The following SMARCAD1 variants were observed in gnomAD, a reference collection of about 807,000 sequenced individuals.
SMARCAD1 encodes SWI/SNF-related matrix-associated actin-dependent regulator of chromatin subfamily A containing DEAD/H box 1.
A neutral mutation model predicts 127.1 loss-of-function variants in SMARCAD1; 25 were observed. The observed-to-expected ratio is 0.20, with a 90% CI of 0.14 to 0.27. The LOEUF is 0.27. Among genes scored for constraint, SMARCAD1 ranks in the 10% least tolerant of loss-of-function variants. The probability of loss-of-function intolerance (pLI) is 1.00; values close to 1 mark genes in which losing one functional copy is unlikely to be tolerated. For missense variants in SMARCAD1, 807 were observed against 1,206.0 expected, an observed-to-expected ratio of 0.67 and a Z score of 4.90; for synonymous variants, 400 against 396.9, an observed-to-expected ratio of 1.01 and a Z score of -0.09.
chr4:94,249,845 G>C (rs1749012576), intron 7 of SMARCAD1, 90 bp downstream of exon 7: 1 of 778,416 alleles, frequency 1.3e-6, no homozygotes, highest in African/African-American at 1.7e-5. Context: ...TAAAAGCTTA[G>C]GGTGAGTTTT....
chr4:94,282,363 T>G (rs1754226451), intron 21 of SMARCAD1, among the ~76,000 whole-genome samples: 2 of 151,784 alleles, frequency 1.3e-5, no homozygotes, highest in South Asian at 4.2e-4. Context: ...CCCAAAGTGC[T>G]GGGATTACAG....
At chr4:94,218,222 T>G (rs1446765582) in intron 2 of SMARCAD1, among the ~76,000 whole-genome samples, 4 of 152,216 alleles carry the variant, frequency 2.6e-5, no homozygotes, top group African/African-American at 9.7e-5. Flanking sequence ...TTAACGCTTT[T>G]GCCTTGTTCA....
rs1741628925 is a variant in SMARCAD1 at position 94,208,511 on chromosome 4, T to A, written c.117T>A (p.Ser39Arg). ...GCCCTTCTTCACCAATTTCTCTTAG[T>A]GCTGAAGAGGAGAATGCTGAAGGGG... Reference protein sequence around the residue: ...QPGPSSPISLSAEEENAEGEV... With the variant: ...QPGPSSPISLRAEEENAEGEV... Residue 39 changes from serine (S) to arginine (R), a missense_variant, in exon 2 of 24, where the codon AGT becomes AGA. Coordinates refer to ENST00000354268, the MANE Select transcript of SMARCAD1 (RefSeq NM_020159.5). 6.2e-7 allele frequency: 1 copy of A among 1,613,976 alleles called. No individual in the cohort carries two copies. Among genetic ancestry groups the A allele is most frequent in the African/African-American group, 1.3e-5 (1 of 74,912 alleles).
rs780386305 is a variant in SMARCAD1, at chr4:94,281,498, A to G, written c.2634A>G (p.Gln878=). ...GTGATAGAGTTGTGTTATTTAGCCA[A>G]TTTACCATGATGCTGGATATCTTAG... ...QKGDRVVLFS[Q]FTMMLDILEV... The change falls in exon 21 of 24, where the codon CAA becomes CAG. Residue 878 remains glutamine, a synonymous_variant. Coordinates refer to ENST00000354268, the MANE Select transcript of SMARCAD1 (RefSeq NM_020159.5). 3 of 1,612,924 alleles carry G rather than the reference A, an allele frequency of 1.9e-6. No individual in the cohort carries two copies. The highest frequency in any genetic ancestry group is 8.5e-7 in the Non-Finnish European group (1 of 1,179,092).
At chr4:94,282,312 G>A (rs1031586749) in intron 21 of SMARCAD1, among the ~76,000 whole-genome samples, 6 of 150,082 alleles carry the variant, frequency 4.0e-5, no homozygotes, top group Non-Finnish European at 8.9e-5. Flanking sequence ...TAGCCAGGAT[G>A]GTCTCGATCT....
In SMARCAD1 at chr4:94,252,779, A is replaced by C. The variant is rs1448103339; in HGVS notation, c.1053A>C (p.Pro351=). 3.1e-6 allele frequency: 5 copies of C among 1,613,386 alleles called. No individual in the cohort carries two copies. The Admixed American group carries it at 8.3e-5, about 27-fold the overall frequency. Residue 351 remains proline, a synonymous_variant, in exon 9 of 24, where the codon CCA becomes CCC. Transcript: ENST00000354268. ...AACGTAAAAAAAATGTTTTTAATCC[A>C]AAGAGAGTTGTTGAAGACTCTGAAT... The part of the protein sequence containing the change: ...NKKRKKNVFN[P]KRVVEDSEYD...
intron 3 of SMARCAD1, among the ~76,000 whole-genome samples, chr4:94,229,770 A>G (rs2125845903): frequency 6.7e-6 from 1 of 150,234 alleles, no homozygotes; most frequent in Middle Eastern, 3.4e-3. Flanking sequence ...AGTTAGGGAG[A>G]GAGAGAAGGA....
intron 5 of SMARCAD1, among the ~76,000 whole-genome samples, chr4:94,237,401 G>A (rs1269387130): frequency 6.6e-6 from 1 of 151,366 alleles, no homozygotes; most frequent in Non-Finnish European, 1.5e-5. Context: ...CAGGGGCTTG[G>A]GATACAAAAA....
chr4:94,227,061 C>T (rs1339413787), intron 3 of SMARCAD1, among the ~76,000 whole-genome samples: 1 of 151,922 alleles, frequency 6.6e-6, no homozygotes, highest in Non-Finnish European at 1.5e-5. Flanking sequence ...ATTGAGAAGA[C>T]AGTGCTTAAT....
Position 94,283,151 on chromosome 4 carries a change from T to C in SMARCAD1, c.2757T>C (p.Asp919=), listed in dbSNP as rs750261494. ...RIHLIDEFNT[D]MDIFVFLLST... ...ATCTAATTGATGAGTTTAATACCGA[T>C]ATGGATATCTTTGTGTTTCTGCTAT... The change falls in exon 22 of 24, where the codon GAT becomes GAC. Residue 919 remains aspartate, a synonymous_variant. Transcript: ENST00000354268. 31 of 1,613,674 alleles carry C rather than the reference T, an allele frequency of 1.9e-5. No individual in the cohort carries two copies. Among genetic ancestry groups the C allele is most frequent in the Non-Finnish European group, 2.5e-5 (29 of 1,179,888 alleles).
intron 3 of SMARCAD1, 75 bp downstream of exon 3, chr4:94,226,371 A>G (rs1744991007): frequency 3.4e-6 from 4 of 1,186,212 alleles, no homozygotes; most frequent in East Asian, 2.7e-5. Flanking sequence ...CTAATTTGAG[A>G]TATTTTGGTG....
chr4:94,261,905 C>T (rs952012963), intron 9 of SMARCAD1, among the ~76,000 whole-genome samples: 9 of 152,304 alleles, frequency 5.9e-5, no homozygotes, highest in African/African-American at 9.6e-5. Flanking sequence ...CCACCACAAC[C>T]GGCCAGTTTA....
intron 7 of SMARCAD1, 107 bp downstream of exon 7, chr4:94,249,862 T>C (rs1184760036): frequency 5.7e-6 from 4 of 702,340 alleles, no homozygotes; most frequent in South Asian, 1.6e-5. Flanking sequence ...TTTTGTATTC[T>C]TCTAATTAAA....
chr4:94,275,841 G>A (rs376015184), intron 14 of SMARCAD1, among the ~76,000 whole-genome samples: 9 of 131,384 alleles, frequency 6.9e-5, no homozygotes, highest in Admixed American at 8.9e-5. Flanking sequence ...CTGTCCCCCA[G>A]GCTAGAGTGC....
chr4:94,281,555 C>T lies in SMARCAD1; in HGVS notation c.2691C>T (p.Tyr897=), dbSNP rs1361473843. ...EVLLKHHQHR[Y]LRLDGKTQIS... is the part of the protein sequence containing the mutation. ...TATTAAAACATCATCAGCATAGGTA[C>T]CTCAGATTAGATGGAAAGACTCAGA... Residue 897 remains tyrosine (Y), a synonymous_variant, in exon 21 of 24, where the codon TAC becomes TAT. Transcript: ENST00000354268. 5.6e-6 allele frequency: 9 copies of T among 1,612,192 alleles called. No homozygotes were observed. The highest frequency in any genetic ancestry group is 2.2e-5 in the East Asian group (1 of 44,764).
chr4:94,237,498 T>TAAA (rs34166467), intron 5 of SMARCAD1, among the ~76,000 whole-genome samples: 3 of 141,684 alleles, frequency 2.1e-5, no homozygotes, highest in African/African-American at 2.6e-5. Context: ...TTACACATAC[T>TAAA]AAAAAAAAAA....
chr4:94,243,318 A>G (rs772147125), intron 6 of SMARCAD1, among the ~76,000 whole-genome samples: 5 of 152,210 alleles, frequency 3.3e-5, no homozygotes, highest in African/African-American at 2.4e-5. Flanking sequence ...AGCAGGTACC[A>G]TGAGAGTCTG....
intron 2 of SMARCAD1, among the ~76,000 whole-genome samples, chr4:94,223,734 A>ATTTTTTTTTT (rs944591007): frequency 4.0e-5 from 4 of 100,156 alleles, no homozygotes; most frequent in African/African-American, 1.5e-4. Flanking sequence ...CTCCCGGCTA[A>ATTTTTTTTTT]TTTTTTTTTT....
chr4:94,254,874 TAGAA>T (rs1749814652), intron 9 of SMARCAD1, among the ~76,000 whole-genome samples: 2 of 152,104 alleles, frequency 1.3e-5, no homozygotes, highest in African/African-American at 4.8e-5. Context: ...TAAAAACCTT[TAGAA>T]TTTTAAATGT....
Sources: allele counts gnomAD v4.1 joint callset (sites outside exome capture counted in the v4.1 genomes callset), GRCh38; gene constraint gnomAD v4.1.1; transcripts MANE v1.5; gene names NCBI Gene and HGNC (gene_info 2026-07-23, HGNC 2026-07-21).